The following NEGR1 variants were observed in gnomAD, a reference collection of about 807,000 sequenced individuals.
NEGR1 encodes the protein IgLON family member 4.
Under a neutral mutation model 40.9 loss-of-function variants are expected in NEGR1, and 10 were observed. The ratio of observed to expected loss-of-function variants is 0.24; its 90% CI spans 0.15 to 0.42. NEGR1 has a LOEUF of 0.42. NEGR1 is among the 10% of genes least tolerant of loss of function. The probability of loss-of-function intolerance (pLI) is 1.00; values close to 1 mark genes in which losing one functional copy is unlikely to be tolerated. For missense variants in NEGR1, 352 were observed against 438.9 expected, an observed-to-expected ratio of 0.80 and a Z score of 1.77; for synonymous variants, 185 against 166.8, an observed-to-expected ratio of 1.11 and a Z score of -0.84.
intron 1 of NEGR1, among the ~76,000 whole-genome samples, chr1:72,014,008 G>C (rs996594365): frequency 5.0e-5 from 7 of 139,650 alleles, no homozygotes; most frequent in African/African-American, 1.3e-4. Context: ...GGGAGAACTA[G>C]TTAATTAATC....
intron 1 of NEGR1, among the ~76,000 whole-genome samples, chr1:72,128,887 A>C (rs1413273278): frequency 6.6e-6 from 1 of 152,182 alleles, no homozygotes; most frequent in Non-Finnish European, 1.5e-5. Context: ...TTAATAGCCT[A>C]AATGGAACAA....
chr1:71,452,964 A>C (rs1470046096), intron 6 of NEGR1, among the ~76,000 whole-genome samples: 1 of 152,196 alleles, frequency 6.6e-6, no homozygotes, highest in African/African-American at 2.4e-5. Context: ...GAAATAATAC[A>C]TAGGTCATGA....
At chr1:72,200,725 T>C (rs1452093130) in intron 1 of NEGR1, among the ~76,000 whole-genome samples, 1 of 151,956 alleles carries the variant, frequency 6.6e-6, no homozygotes, top group Non-Finnish European at 1.5e-5. Context: ...TAATAAGCAA[T>C]AGTCTCACTC....
intron 1 of NEGR1, among the ~76,000 whole-genome samples, chr1:72,230,491 T>C (rs1654328264): frequency 6.6e-6 from 1 of 152,100 alleles, no homozygotes; most frequent in Non-Finnish European, 1.5e-5. Context: ...CAAATTATGC[T>C]GTTCCTCATT....
At chr1:72,058,463 T>C in intron 1 of NEGR1, among the ~76,000 whole-genome samples, 1 of 151,660 alleles carries the variant, frequency 6.6e-6, no homozygotes, top group East Asian at 1.9e-4. Flanking sequence ...AGAATTTAAG[T>C]GTTCTCTAAA....
At chr1:72,252,766 G>T (rs929332116) in intron 1 of NEGR1, among the ~76,000 whole-genome samples, 1 of 152,078 alleles carries the variant, frequency 6.6e-6, no homozygotes, top group Non-Finnish European at 1.5e-5. Flanking sequence ...CCATTTGGGG[G>T]TACAGACTCT....
At chr1:72,107,476 T>C (rs908589300) in intron 1 of NEGR1, among the ~76,000 whole-genome samples, 1 of 151,568 alleles carries the variant, frequency 6.6e-6, no homozygotes, top group African/African-American at 2.4e-5. Context: ...TAAACCCAAG[T>C]TTGTTATGTT....
chr1:72,161,525 G>C (rs553389554), intron 1 of NEGR1, among the ~76,000 whole-genome samples: 79 of 151,944 alleles, frequency 5.2e-4, no homozygotes, highest in Middle Eastern at 3.4e-3. Context: ...ACAATGTACG[G>C]GTAGGATTAT....
At chr1:71,665,473 C>T (rs1159506711) in intron 4 of NEGR1, among the ~76,000 whole-genome samples, 2 of 152,166 alleles carry the variant, frequency 1.3e-5, no homozygotes. Context: ...ATGTGACAAA[C>T]AGGAGGATAG....
At chr1:71,898,646 C>CA (rs1370024368) in intron 2 of NEGR1, among the ~76,000 whole-genome samples, 1 of 142,900 alleles carries the variant, frequency 7.0e-6, no homozygotes, top group South Asian at 2.2e-4. Context: ...AACAAATAAA[C>CA]AAAAAAACTG....
intron 2 of NEGR1, among the ~76,000 whole-genome samples, chr1:71,905,149 C>A (rs1184563713): frequency 4.6e-5 from 7 of 152,044 alleles, no homozygotes; most frequent in Non-Finnish European, 7.4e-5. Context: ...TGGAAAAATA[C>A]TTGAAGTGTC....
intron 6 of NEGR1, among the ~76,000 whole-genome samples, chr1:71,545,845 T>A (rs1051215921): frequency 2.6e-5 from 4 of 151,642 alleles, no homozygotes; most frequent in Non-Finnish European, 4.4e-5. Flanking sequence ...CCCATGCATA[T>A]ATTTCTATAT....
chr1:71,484,426 A>T (rs948818213), intron 6 of NEGR1, among the ~76,000 whole-genome samples: 2 of 151,696 alleles, frequency 1.3e-5, no homozygotes, highest in Non-Finnish European at 3.0e-5. Flanking sequence ...CAAAATAGTG[A>T]TCATTTGCAT....
intron 4 of NEGR1, among the ~76,000 whole-genome samples, chr1:71,687,799 A>C (rs1653087271): frequency 6.6e-6 from 1 of 152,180 alleles, no homozygotes; most frequent in African/African-American, 2.4e-5. Context: ...GAGAATAATT[A>C]GGATCCTTTT....
intron 1 of NEGR1, among the ~76,000 whole-genome samples, chr1:72,175,116 C>T (rs764976402): frequency 1.3e-5 from 2 of 152,016 alleles, no homozygotes; most frequent in African/African-American, 4.8e-5. Flanking sequence ...ATCCCTCCCC[C>T]CTTCCCCCGA....
intron 1 of NEGR1, among the ~76,000 whole-genome samples, chr1:72,194,452 C>G (rs1433959374): frequency 1.3e-5 from 2 of 151,984 alleles, no homozygotes; most frequent in African/African-American, 2.4e-5. Context: ...AAGTCCACAG[C>G]AAACATGCTC....
intron 6 of NEGR1, among the ~76,000 whole-genome samples, chr1:71,525,566 C>T (rs1467019666): frequency 6.6e-6 from 1 of 151,658 alleles, no homozygotes; most frequent in Admixed American, 6.6e-5. Flanking sequence ...TCTTACCATG[C>T]TTCACTCACT....
intron 1 of NEGR1, among the ~76,000 whole-genome samples, chr1:71,944,526 G>T (rs1453504077): frequency 1.3e-5 from 2 of 152,088 alleles, no homozygotes; most frequent in Non-Finnish European, 2.9e-5. Context: ...GTCATTAAAA[G>T]TATTCTATTT....
intron 1 of NEGR1, among the ~76,000 whole-genome samples, chr1:72,253,500 G>A (rs185332900): frequency 1.3e-5 from 2 of 152,152 alleles, no homozygotes; most frequent in East Asian, 1.9e-4. Flanking sequence ...GCTATATCTT[G>A]GAACATAGCC....
Sources: allele counts gnomAD v4.1 joint callset (sites outside exome capture counted in the v4.1 genomes callset), GRCh38; gene constraint gnomAD v4.1.1; transcripts MANE v1.5; gene names NCBI Gene and HGNC (gene_info 2026-07-23, HGNC 2026-07-21).